Variants in PNPT1 observed in about 807,000 individuals in gnomAD.
PNPT1 encodes the protein polyribonucleotide nucleotidyltransferase 1.
A neutral mutation model predicts 119.5 loss-of-function variants in PNPT1; 53 were observed. That is an observed-to-expected ratio of 0.44 (90% confidence interval 0.36 to 0.56). The LOEUF (loss-of-function observed/expected upper bound fraction) is 0.56, where lower values mean the gene tolerates loss of function less well. PNPT1 is among the 20% of genes least tolerant of loss of function. The pLI is 0.00. For missense variants in PNPT1, 948 were observed against 938.5 expected (o/e 1.01, Z -0.13); for synonymous variants, 357 against 322.1 (o/e 1.11, Z -1.16).
At chr2:55,687,518 C>G in intron 2 of PNPT1, 127 bp downstream of exon 2, 1 of 678,566 alleles carries the variant, frequency 1.5e-6, no homozygotes, top group Non-Finnish European at 2.5e-6. Flanking sequence ...TAGAAATTAT[C>G]TTAGTAGTAT....
chr2:55,654,883 A>G lies in PNPT1; in HGVS notation c.1495+17T>C. On this transcript the variant is annotated intron_variant, in intron 18 of 27. Coordinates refer to ENST00000447944, the MANE Select transcript of PNPT1 (RefSeq NM_033109.5). The stretch of plus-strand genomic sequence containing the variant: ...GGCATGAGCAATATCAGCAGTTTTG[A>G]GACATAATTCTTTTACCTGAATCCA... 6.2e-7 allele frequency: 1 copy of G among 1,610,958 alleles called. No individual in the cohort carries two copies. Among genetic ancestry groups the G allele is most frequent in the Non-Finnish European group, 8.5e-7 (1 of 1,177,812 alleles).
chr2:55,664,384 G>A (rs903879422), intron 13 of PNPT1, among the ~76,000 whole-genome samples: 11 of 152,102 alleles, frequency 7.2e-5, no homozygotes, highest in African/African-American at 2.4e-4. Flanking sequence ...GGAGGACTGC[G>A]GGAGCCCGGG....
At position 55,693,707 on chromosome 2, in the gene PNPT1, C is replaced by T; in HGVS notation, c.117G>A (p.Trp39Ter). ...CCACAGCTCGAGACCCTGCGCTACT[C>T]CATAGTGCTCGCACTTGCAACTGGG... ...ALTQLQVRAL[W>*]SSAGSRAVAV... is the part of the protein sequence containing the mutation. Residue 39 changes from tryptophan (W) to a stop codon, truncating the protein, a stop_gained, in exon 1 of 28, where the codon TGG becomes TGA. Transcript: ENST00000447944. LOFTEE classifies it high-confidence loss of function. 1.2e-6 allele frequency: 2 copies of T among 1,614,224 alleles called. No homozygotes were observed. The highest frequency in any genetic ancestry group is 1.7e-6 in the Non-Finnish European group (2 of 1,180,046).
intron 15 of PNPT1, among the ~76,000 whole-genome samples, chr2:55,656,841 A>T (rs1320974435): frequency 6.6e-6 from 1 of 152,234 alleles, no homozygotes; most frequent in Non-Finnish European, 1.5e-5. Flanking sequence ...AAATACATGA[A>T]TGGGAAAGTT....
chr2:55,637,427 A>G (rs533188900), intron 27 of PNPT1, 125 bp downstream of exon 27: 31 of 819,776 alleles, frequency 3.8e-5, no homozygotes, highest in Non-Finnish European at 6.3e-5. Flanking sequence ...AAGATTAAAA[A>G]TGAAGTACTG....
intron 1 of PNPT1, among the ~76,000 whole-genome samples, chr2:55,688,747 AC>A (rs1484340743): frequency 1.7e-4 from 26 of 151,694 alleles, no homozygotes; most frequent in Non-Finnish European, 2.7e-4. Flanking sequence ...AAACAAAACA[AC>A]AACAACAACA....
chr2:55,638,965 G>A (rs544607193), intron 26 of PNPT1, among the ~76,000 whole-genome samples: 5 of 152,114 alleles, frequency 3.3e-5, no homozygotes, highest in South Asian at 2.1e-4. Flanking sequence ...TAGTAGACAC[G>A]GGGGTTTGCC....
At chr2:55,647,709 A>G (rs893016042) in intron 18 of PNPT1, among the ~76,000 whole-genome samples, 1 of 151,922 alleles carries the variant, frequency 6.6e-6, no homozygotes, top group Admixed American at 6.6e-5. Flanking sequence ...TTTAGTGGAG[A>G]TGGGGTTTCA....
At chr2:55,680,231 T>C (rs1697202390) in intron 7 of PNPT1, among the ~76,000 whole-genome samples, 1 of 152,220 alleles carries the variant, frequency 6.6e-6, no homozygotes, top group Non-Finnish European at 1.5e-5. Context: ...TCATAAGTAA[T>C]TATCTGTCTC....
intron 10 of PNPT1, 89 bp from the exon 11 acceptor site, chr2:55,671,465 G>C (rs1696912426): frequency 2.9e-6 from 2 of 700,496 alleles, no homozygotes; most frequent in Non-Finnish European, 2.3e-6. Flanking sequence ...AACACATTGT[G>C]AATTACTCTG....
chr2:55,677,525 C>G (rs932957759), intron 8 of PNPT1, among the ~76,000 whole-genome samples: 13 of 124,436 alleles, frequency 1.0e-4, no homozygotes, highest in African/African-American at 3.7e-4. Context: ...ACCTGGGAGG[C>G]GGAGGTTGCA....
chr2:55,662,868 A>G (rs1696620101), intron 13 of PNPT1, among the ~76,000 whole-genome samples: 1 of 147,560 alleles, frequency 6.8e-6, no homozygotes, highest in Non-Finnish European at 1.5e-5. Context: ...ATGGTGGATT[A>G]GCAGACAAAA....
intron 5 of PNPT1, among the ~76,000 whole-genome samples, chr2:55,682,124 C>T (rs1253321679): frequency 6.6e-6 from 1 of 151,656 alleles, no homozygotes; most frequent in East Asian, 1.9e-4. Context: ...GCCTGGTCGA[C>T]AGAGCGAGAT....
At chr2:55,675,985 G>A (rs1223226882) in intron 8 of PNPT1, among the ~76,000 whole-genome samples, 2 of 152,140 alleles carry the variant, frequency 1.3e-5, no homozygotes, top group Non-Finnish European at 2.9e-5. Context: ...TATAGGCCCA[G>A]CGTGGTGGCT....
At chr2:55,686,984 G>T (rs1697426364) in intron 2 of PNPT1, among the ~76,000 whole-genome samples, 1 of 150,842 alleles carries the variant, frequency 6.6e-6, no homozygotes, top group African/African-American at 2.4e-5. Context: ...GGAGGCTGAG[G>T]CAGGCGGATC....
Position 55,656,333 on chromosome 2 carries a change from A to G in PNPT1, c.1323T>C (p.Thr441=). The G allele has an allele frequency of 6.2e-7, 1 of 1,610,810 alleles. No individual in the cohort carries two copies. Among genetic ancestry groups the G allele is most frequent in the South Asian group, 1.1e-5 (1 of 90,000 alleles). The stretch of plus-strand genomic sequence containing the variant: ...GCCCAAGTTCTCTTCTATTTAAACC[A>G]GTGACTTTGCCAATTTCATTAGTTG... ...PYATNEIGKV[T]GLNRRELGHG... The change falls in exon 16 of 28, where the codon ACT becomes ACC. Residue 441 remains threonine (T), a synonymous_variant. Coordinates refer to ENST00000447944, the MANE Select transcript of PNPT1 (RefSeq NM_033109.5).
intron 18 of PNPT1, among the ~76,000 whole-genome samples, chr2:55,653,790 T>C (rs1329313289): frequency 6.6e-6 from 1 of 152,242 alleles, no homozygotes; most frequent in African/African-American, 2.4e-5. Context: ...TCAAACCATG[T>C]TTTCATTTAA....
intron 8 of PNPT1, among the ~76,000 whole-genome samples, chr2:55,677,138 AG>A (rs1416717868): frequency 6.6e-6 from 1 of 152,176 alleles, no homozygotes; most frequent in African/African-American, 2.4e-5. Flanking sequence ...ATCCCCTTAC[AG>A]GTTGGTTCTG....
intron 8 of PNPT1, among the ~76,000 whole-genome samples, chr2:55,677,352 T>C (rs1029847487): frequency 1.3e-5 from 2 of 152,104 alleles, no homozygotes; most frequent in East Asian, 3.9e-4. Context: ...CCAGCACTTT[T>C]GGTGGCCGAA....
Sources: allele counts gnomAD v4.1 joint callset (sites outside exome capture counted in the v4.1 genomes callset), GRCh38; gene constraint gnomAD v4.1.1; transcripts MANE v1.5; gene names NCBI Gene and HGNC (gene_info 2026-07-23, HGNC 2026-07-21).